ASCC3: variants seen among roughly 807,000 people sequenced by gnomAD.
The protein encoded by ASCC3 is ASC-1 complex subunit P200.
ASCC3 carries 158 observed loss-of-function variants against 256.3 expected under a neutral mutation model. That is an observed-to-expected ratio of 0.62 (90% CI 0.54 to 0.70). The LOEUF is 0.70. Ranked by LOEUF, ASCC3 falls within the 30% of genes least tolerant of loss-of-function variation. The pLI, the probability that ASCC3 is intolerant of heterozygous loss-of-function variation, is 0.00. For missense variants in ASCC3, 2,259 were observed against 2,626.0 expected (o/e 0.86, Z 3.05); for synonymous variants, 948 against 883.4 (o/e 1.07, Z -1.30).
intron 36 of ASCC3, among the ~76,000 whole-genome samples, chr6:100,566,572 A>G (rs1394619064): frequency 1.3e-5 from 2 of 152,170 alleles, no homozygotes; most frequent in Non-Finnish European, 2.9e-5. Flanking sequence ...CAACCTCCTT[A>G]TATCTGTACT....
chr6:100,743,360 C>T (rs781024276), intron 10 of ASCC3, among the ~76,000 whole-genome samples: 8 of 152,192 alleles, frequency 5.3e-5, no homozygotes, highest in East Asian at 1.9e-4. Context: ...CCACAGACTG[C>T]AGCTGCTTCT....
intron 30 of ASCC3, among the ~76,000 whole-genome samples, chr6:100,623,314 G>T (rs1349272755): frequency 6.6e-6 from 1 of 152,088 alleles, no homozygotes; most frequent in Non-Finnish European, 1.5e-5. Context: ...AAGATAAAAT[G>T]ATCGCTATTA....
At chr6:100,650,267 G>A (rs1317365075) in intron 20 of ASCC3, among the ~76,000 whole-genome samples, 1 of 151,228 alleles carries the variant, frequency 6.6e-6, no homozygotes, top group African/African-American at 2.4e-5. Context: ...ATCATTTAAA[G>A]TAGAAAAAAA....
intron 16 of ASCC3, among the ~76,000 whole-genome samples, chr6:100,661,408 A>G (rs2114931098): frequency 6.6e-6 from 1 of 151,256 alleles, no homozygotes; most frequent in South Asian, 2.1e-4. Context: ...TAACAAAGTT[A>G]ATCAACTGAC....
At chr6:100,874,526 AAG>A (rs1254385751) in intron 1 of ASCC3, among the ~76,000 whole-genome samples, 1 of 151,140 alleles carries the variant, frequency 6.6e-6, no homozygotes, top group African/African-American at 2.4e-5. Context: ...GATTCCCTTT[AAG>A]TTTTATTTGA....
chr6:100,527,624 T>A (rs1257794737), intron 37 of ASCC3, among the ~76,000 whole-genome samples: 1 of 152,226 alleles, frequency 6.6e-6, no homozygotes, highest in Non-Finnish European at 1.5e-5. Flanking sequence ...CCTGGCATCA[T>A]AAAATATTCC....
chr6:100,761,210 G>C lies in ASCC3; in HGVS notation c.1737+5355C>G, dbSNP rs528461997. 5.9e-5 allele frequency among the ~76,000 whole-genome samples: 9 copies of C among 152,302 alleles called. No individual in the cohort carries two copies. The South Asian group carries it at 1.9e-3, about 32-fold the overall frequency. On this transcript the variant is annotated intron_variant, in intron 10 of 41. Transcript: ENST00000369162. The stretch of plus-strand genomic sequence containing the variant: ...TTTTTAAGGGCTGAAAGAAAAGAAG[G>C]CCTGGCATGGTAGCTGATATCTATA...
At chr6:100,600,950 T>C (rs976188472) in intron 34 of ASCC3, among the ~76,000 whole-genome samples, 1 of 152,140 alleles carries the variant, frequency 6.6e-6, no homozygotes, top group Non-Finnish European at 1.5e-5. Flanking sequence ...AAAGGCCTTG[T>C]AGCCTCTGGT....
At chr6:100,586,762 G>A (rs1186570860) in intron 36 of ASCC3, among the ~76,000 whole-genome samples, 2 of 152,056 alleles carry the variant, frequency 1.3e-5, no homozygotes, top group African/African-American at 4.8e-5. Flanking sequence ...AAATCTTAAT[G>A]AACCTAATTT....
At chr6:100,741,350 T>C (rs1780424539) in intron 10 of ASCC3, among the ~76,000 whole-genome samples, 1 of 152,156 alleles carries the variant, frequency 6.6e-6, no homozygotes, top group Admixed American at 6.5e-5. Flanking sequence ...AATCTGATGA[T>C]CATGTGTCTT....
chr6:100,610,436 TAA>T (rs966124702), intron 30 of ASCC3, among the ~76,000 whole-genome samples: 14 of 152,176 alleles, frequency 9.2e-5, no homozygotes, highest in Non-Finnish European at 1.3e-4. Context: ...AAAAATTTTC[TAA>T]GTTTTTTTTT....
intron 8 of ASCC3, among the ~76,000 whole-genome samples, chr6:100,769,370 GTTA>G (rs1176814556): frequency 2.6e-5 from 4 of 151,874 alleles, no homozygotes; most frequent in South Asian, 2.1e-4. Context: ...GATTTTGAAT[GTTA>G]TTATCACAAA....
intron 41 of ASCC3, 96 bp from the exon 42 acceptor site, chr6:100,509,629 G>A (rs548559355): frequency 9.0e-6 from 11 of 1,219,108 alleles, no homozygotes; most frequent in South Asian, 5.1e-5. Context: ...GGCTGGGTGC[G>A]GTGGCTCACG....
Position 100,705,171 on chromosome 6 carries a change from G to A in ASCC3, c.2151+10291C>T, listed in dbSNP as rs561457445. Among the ~76,000 whole-genome samples the A allele has an allele frequency of 1.6e-4, 25 of 152,132 alleles. No homozygotes were observed. The South Asian group carries it at 4.8e-3, about 29-fold the overall frequency. On this transcript the variant is annotated intron_variant, in intron 13 of 41. Transcript: ENST00000369162. ...TGAAGTCTTGCAGAGTAGGACTGTT[G>A]AAAAGTCAACATGAAAAGATTTTCT...
At chr6:100,614,368 C>G in intron 30 of ASCC3, among the ~76,000 whole-genome samples, 1 of 152,220 alleles carries the variant, frequency 6.6e-6, no homozygotes, top group Admixed American at 6.5e-5. Flanking sequence ...CAACTCTCAA[C>G]AAAGAGAACC....
intron 8 of ASCC3, among the ~76,000 whole-genome samples, chr6:100,788,613 T>G (rs1769201416): frequency 6.6e-6 from 1 of 151,726 alleles, no homozygotes; most frequent in Admixed American, 6.6e-5. Context: ...GTAATACGTT[T>G]CAGCCATGAA....
intron 4 of ASCC3, among the ~76,000 whole-genome samples, chr6:100,844,008 A>T (rs1772272872): frequency 6.6e-6 from 1 of 151,616 alleles, no homozygotes; most frequent in Non-Finnish European, 1.5e-5. Context: ...AATATTTCAC[A>T]AATTAGAGAA....
intron 10 of ASCC3, among the ~76,000 whole-genome samples, chr6:100,730,853 A>C (rs1216931601): frequency 3.3e-5 from 5 of 152,140 alleles, no homozygotes; most frequent in Non-Finnish European, 7.3e-5. Flanking sequence ...CTCTCCCATC[A>C]ATTCACATGC....
At chr6:100,737,701 T>A (rs1307992831) in intron 10 of ASCC3, among the ~76,000 whole-genome samples, 1 of 152,220 alleles carries the variant, frequency 6.6e-6, no homozygotes, top group Non-Finnish European at 1.5e-5. Flanking sequence ...CATGTACATG[T>A]ATCTTTGTAA....
Sources: allele counts gnomAD v4.1 joint callset (sites outside exome capture counted in the v4.1 genomes callset), GRCh38; gene constraint gnomAD v4.1.1; transcripts MANE v1.5; gene names NCBI Gene and HGNC (gene_info 2026-07-23, HGNC 2026-07-21).